The following THRB variants were observed in gnomAD, a reference collection of about 807,000 sequenced individuals.
THRB encodes the protein nuclear receptor subfamily 1 group A member 2.
THRB carries 12 observed loss-of-function variants against 47.8 expected under a neutral mutation model. The observed-to-expected ratio is 0.25, with a 90% CI of 0.16 to 0.41. THRB has a LOEUF of 0.41. Among genes scored for constraint, THRB ranks in the 10% least tolerant of loss-of-function variants. The pLI is 1.00. For missense variants in THRB, 348 were observed against 589.2 expected (o/e 0.59, Z 4.24); for synonymous variants, 218 against 212.2 (o/e 1.03, Z -0.24).
chr3:24,126,444 C>T (rs1315234357), intron 10 of THRB, among the ~76,000 whole-genome samples: 2 of 152,144 alleles, frequency 1.3e-5, no homozygotes, highest in Non-Finnish European at 2.9e-5. Flanking sequence ...AAAGAATTCT[C>T]GATGTACTTG....
chr3:24,369,951 G>C (rs757190122), intron 1 of THRB, among the ~76,000 whole-genome samples: 1 of 152,148 alleles, frequency 6.6e-6, no homozygotes, highest in Non-Finnish European at 1.5e-5. Context: ...CCATGTTTTA[G>C]AGCTGACTAC....
rs2031883571 is a variant in THRB, at chr3:24,122,553, GGCGCCATTTT to G, written c.*321_*330del. 7.6e-6 allele frequency: 3 copies of G among 395,098 alleles called. No individual in the cohort carries two copies. Among genetic ancestry groups the G allele is most frequent in the Non-Finnish European group, 1.4e-5 (3 of 208,692 alleles). 24.5% of individuals were successfully genotyped at this position (395,098 alleles called of 1,614,324 possible). On this transcript the variant is annotated 3_prime_UTR_variant, in exon 11 of 11. Coordinates refer to ENST00000646209, the MANE Select transcript of THRB (RefSeq NM_001354712.2). ...TTTTAAGGCTTCTTTAGTGTCCTGT[GGCGCCATTTT>G]GCTGACTCAAGTCTTGGACCAGGGA...
chr3:24,190,182 T>A lies in THRB; in HGVS notation c.175A>T (p.Ile59Phe), dbSNP rs141172732. The A allele has an allele frequency of 3.1e-6, 5 of 1,609,754 alleles. No homozygotes were observed. Among genetic ancestry groups the A allele is most frequent in the Non-Finnish European group, 3.4e-6 (4 of 1,175,964 alleles). ...LKNEQSSPHLIQTTWTSSIFH... is the reference protein window; with the variant it reads ...LKNEQSSPHLFQTTWTSSIFH... ...ATTGAGCTAGTCCAAGTGGTCTGGA[T>A]GAGATGTGGCGACGACTGTTCATTT... Residue 59 changes from isoleucine (I) to phenylalanine (F), a missense_variant, in exon 5 of 11, where the codon ATC becomes TTC. Coordinates refer to ENST00000646209, the MANE Select transcript of THRB (RefSeq NM_001354712.2).
At chr3:24,444,698 G>A (rs779669353) in intron 1 of THRB, among the ~76,000 whole-genome samples, 11 of 152,004 alleles carry the variant, frequency 7.2e-5, no homozygotes, top group East Asian at 3.9e-4. Context: ...TGTGCCTTCC[G>A]GGTTCGAGCC....
chr3:24,262,692 T>C (rs1336117129), intron 3 of THRB, among the ~76,000 whole-genome samples: 1 of 152,172 alleles, frequency 6.6e-6, no homozygotes, highest in East Asian at 1.9e-4. Context: ...TTCAATAAGA[T>C]TTTGCCTAAT....
At chr3:24,144,268 T>TG (rs1332441343) in intron 7 of THRB, 1 of 167,360 alleles carries the variant, frequency 6.0e-6, no homozygotes, top group Admixed American at 5.5e-5. Context: ...AATTGGAATG[T>TG]GGCTGGGCCT....
At chr3:24,234,410 CAA>C (rs140492085) in intron 3 of THRB, among the ~76,000 whole-genome samples, 8,092 of 152,192 alleles carry the variant, frequency 0.053, 344 homozygotes, top group African/African-American at 0.12. Context: ...AAAGGAGACA[CAA>C]GAGCTATTTT....
At chr3:24,142,791 G>A (rs1334561756) in intron 8 of THRB, among the ~76,000 whole-genome samples, 2 of 152,212 alleles carry the variant, frequency 1.3e-5, no homozygotes, top group Non-Finnish European at 2.9e-5. Context: ...AGCGGCTTAA[G>A]GCCTTGGGCT....
intron 1 of THRB, among the ~76,000 whole-genome samples, chr3:24,415,298 A>G (rs184875287): frequency 1.2e-4 from 18 of 151,962 alleles, no homozygotes; most frequent in Non-Finnish European, 2.5e-4. Context: ...TGCTGTGACT[A>G]ACAAACTCTC....
chr3:24,221,416 G>A (rs564697284), intron 4 of THRB, among the ~76,000 whole-genome samples: 9 of 152,298 alleles, frequency 5.9e-5, no homozygotes, highest in Admixed American at 5.9e-4. Context: ...AAAAAGTTAG[G>A]TAGAGATGTG....
intron 8 of THRB, 135 bp from the exon 9 acceptor site, chr3:24,133,597 A>G (rs1205149824): frequency 2.4e-6 from 2 of 844,706 alleles, no homozygotes; most frequent in East Asian, 2.6e-5. Flanking sequence ...ATTTGTTAAC[A>G]AACTGTACAG....
At chr3:24,248,914 T>C (rs1308197490) in intron 3 of THRB, among the ~76,000 whole-genome samples, 5 of 152,214 alleles carry the variant, frequency 3.3e-5, no homozygotes, top group African/African-American at 1.2e-4. Context: ...TGTTCCTTTT[T>C]GCTCTTTTAG....
rs528567994 is a variant in THRB, at chr3:24,248,711, A to G, written c.-42-19710T>C. Among the ~76,000 whole-genome samples, 79 of 152,258 alleles carry G rather than the reference A, an allele frequency of 5.2e-4. No individual in the cohort carries two copies. The South Asian group carries it at 0.015, about 29-fold the overall frequency. On this transcript the variant is annotated intron_variant, in intron 3 of 10. Coordinates refer to ENST00000646209, the MANE Select transcript of THRB (RefSeq NM_001354712.2). ...CTGTCTGGAGTATGGGCCTCTTTCT[A>G]CATTTCCAAAACCAGTCCCTTTGCG...
At position 24,129,058 on chromosome 3, in the gene THRB, A is replaced by G. The variant is rs2033405349; in HGVS notation, c.886-1301T>C. ...AGTAATACAACTGAATTACATCTAA[A>G]ATACTGGGCATTTTATGTTTTTTAC... On this transcript the variant is annotated intron_variant, in intron 9 of 10. Transcript: ENST00000646209. Among the ~76,000 whole-genome samples, 5 of 151,932 alleles carry G rather than the reference A, an allele frequency of 3.3e-5. No homozygotes were observed. The South Asian group carries it at 6.2e-4, about 19-fold the overall frequency.
At chr3:24,192,614 C>T (rs1038421458) in intron 4 of THRB, among the ~76,000 whole-genome samples, 2 of 152,084 alleles carry the variant, frequency 1.3e-5, no homozygotes, top group East Asian at 1.9e-4. Context: ...CTGAGAGATG[C>T]TAACAGGGGC....
intron 1 of THRB, among the ~76,000 whole-genome samples, chr3:24,410,572 A>G (rs542879854): frequency 2.6e-5 from 4 of 151,914 alleles, no homozygotes; most frequent in South Asian, 4.2e-4. Context: ...CTCCATTTCA[A>G]CACTTATACA....
intron 9 of THRB, among the ~76,000 whole-genome samples, chr3:24,129,310 G>A (rs1477783487): frequency 6.6e-6 from 1 of 152,190 alleles, no homozygotes. Flanking sequence ...CCCAGGTAAT[G>A]CTTATGTTGC....
intron 4 of THRB, among the ~76,000 whole-genome samples, chr3:24,192,774 G>A (rs1288829623): frequency 6.6e-6 from 1 of 152,188 alleles, no homozygotes; most frequent in Non-Finnish European, 1.5e-5. Flanking sequence ...ATTTTCCAAA[G>A]AAAAGCAGCT....
chr3:24,215,902 C>T (rs1438289501), intron 4 of THRB, among the ~76,000 whole-genome samples: 1 of 152,168 alleles, frequency 6.6e-6, no homozygotes, highest in Non-Finnish European at 1.5e-5. Flanking sequence ...AAGGAAAGAA[C>T]CTGGGTCCAT....
Sources: gnomAD v4.1 joint callset for allele counts (sites outside exome capture counted in the v4.1 genomes callset) on GRCh38, gnomAD v4.1.1 for gene constraint, MANE v1.5 for transcripts, NCBI Gene and HGNC (gene_info 2026-07-23, HGNC 2026-07-21) for gene names.